Variants in ATG4B observed in about 807,000 individuals in gnomAD.
ATG4B encodes the protein cysteine protease ATG4B.
In ATG4B, 29 loss-of-function variants were observed where a neutral mutation model predicts 56.6. The ratio of observed to expected loss-of-function variants is 0.51; its 90% CI spans 0.38 to 0.70. The LOEUF (loss-of-function observed/expected upper bound fraction) is 0.70. Ranked by LOEUF, ATG4B falls within the 30% of genes least tolerant of loss-of-function variation. The pLI is 0.00. For missense variants in ATG4B, 461 were observed against 515.5 expected, an observed-to-expected ratio of 0.89 and a Z score of 1.02; for synonymous variants, 224 against 206.1, an observed-to-expected ratio of 1.09 and a Z score of -0.74.
In ATG4B at chr2:241,667,859, C is replaced by A. The variant is rs1021064631; in HGVS notation, c.733-284C>A. ...GCACTCAGCAGGGCCACCTCCCGCACCCCTGCTCACATCTCCTGCCAGGCC... is the reference window on the plus strand; with the variant it reads ...GCACTCAGCAGGGCCACCTCCCGCAACCCTGCTCACATCTCCTGCCAGGCC... On this transcript the variant is annotated intron_variant, in intron 8 of 12. Coordinates refer to ENST00000404914, the MANE Select transcript of ATG4B (RefSeq NM_013325.5). 24 of 430,354 alleles carry A rather than the reference C, an allele frequency of 5.6e-5. No individual in the cohort carries two copies. The Admixed American group carries it at 9.0e-4, about 16-fold the overall frequency. The allele number at this position is 430,354 out of a possible 1,614,324, so 26.7% of individuals were successfully genotyped here. A position where few individuals can be genotyped will look rare whatever the true frequency, so the allele number is the denominator to read the frequency against.
chr2:241,649,092 TTAAG>T (rs1243978012), intron 1 of ATG4B, among the ~76,000 whole-genome samples: 1 of 152,160 alleles, frequency 6.6e-6, no homozygotes, highest in African/African-American at 2.4e-5. Flanking sequence ...CACTTAGAAG[TTAAG>T]TGAGTGGCCC....
In ATG4B at chr2:241,668,839, G is replaced by T; in HGVS notation, c.957+154G>T. ...GGGAATCTGAAGGGTATAAGAGCCG[G>T]AACTGTGTCCTTGCACCCTCACGTC... is the stretch of plus-strand genomic sequence containing the variant. On this transcript the variant is annotated intron_variant, in intron 10 of 12. Coordinates refer to ENST00000404914, the MANE Select transcript of ATG4B (RefSeq NM_013325.5). The surrounding 1 kb of genome is among the most constrained non-coding windows in gnomAD (Gnocchi z 4.2). The T allele has an allele frequency of 6.9e-6, 8 of 1,156,022 alleles. No homozygotes were observed. The Admixed American group carries it at 1.9e-4, about 27-fold the overall frequency. The allele number at this position is 1,156,022 out of a possible 1,614,324, so 71.6% of individuals were successfully genotyped here.
intron 1 of ATG4B, among the ~76,000 whole-genome samples, chr2:241,640,503 C>T (rs2067850681): frequency 6.6e-6 from 1 of 152,196 alleles, no homozygotes. Flanking sequence ...TACTGACTGT[C>T]AGATATGTGT....
At chr2:241,666,986 G>C in intron 8 of ATG4B, 148 bp downstream of exon 8, 2 of 899,636 alleles carry the variant, frequency 2.2e-6, no homozygotes, top group Non-Finnish European at 3.3e-6. Context: ...CGTTGCCCAA[G>C]GGGTGAGTGG....
At chr2:241,664,177 A>G (rs773905299) in intron 7 of ATG4B, among the ~76,000 whole-genome samples, 32 of 152,146 alleles carry the variant, frequency 2.1e-4, no homozygotes, top group Non-Finnish European at 3.5e-4. Context: ...GAACTAACAC[A>G]TACTAGAACT....
At chr2:241,667,014 C>T (rs1197110905) in intron 8 of ATG4B, among the ~76,000 whole-genome samples, 176 bp downstream of exon 8, 4 of 152,218 alleles carry the variant, frequency 2.6e-5, no homozygotes, top group Non-Finnish European at 4.4e-5. Context: ...GCACGTCCAT[C>T]AGTAGGCACG....
rs752705639 is a variant in ATG4B, at chr2:241,654,598, C to G, written c.336C>G (p.Leu112=). The G allele has an allele frequency of 6.2e-7, 1 of 1,603,808 alleles. No individual in the cohort carries two copies. Among genetic ancestry groups the G allele is most frequent in the South Asian group, 1.1e-5 (1 of 88,808 alleles). The change falls in exon 5 of 13, where the codon CTC becomes CTG. Residue 112 remains leucine, a synonymous_variant. Coordinates refer to ENST00000404914, the MANE Select transcript of ATG4B (RefSeq NM_013325.5). ...KRQPDSYFSV[L]NAFIDRKDSY... is the part of the protein sequence containing the mutation. ...AGCCAGACAGCTACTTCAGCGTCCT[C>G]AACGCATTCATCGACAGGAAGGACA...
chr2:241,671,569 C>T, intron 12 of ATG4B, 164 bp downstream of exon 12: 2 of 1,527,068 alleles, frequency 1.3e-6, no homozygotes. Context: ...GTGGAGCGTC[C>T]CCTCCTCCAA....
chr2:241,644,863 C>T (rs910877158), intron 1 of ATG4B, among the ~76,000 whole-genome samples: 2 of 151,610 alleles, frequency 1.3e-5, no homozygotes, highest in South Asian at 2.1e-4. Flanking sequence ...GCAGGAGAAT[C>T]GCTTGAAACC....
intron 1 of ATG4B, among the ~76,000 whole-genome samples, chr2:241,642,952 A>G (rs2067946521): frequency 7.6e-6 from 1 of 132,006 alleles, no homozygotes; most frequent in South Asian, 2.4e-4. Flanking sequence ...GCTCTATCTC[A>G]GCTCACTGCA....
rs1259137919 is a variant in ATG4B at position 241,671,312 on chromosome 2, C to G, written c.1015C>G (p.Leu339Val). 2 of 1,612,320 alleles carry G rather than the reference C, an allele frequency of 1.2e-6. No individual in the cohort carries two copies. The highest frequency in any genetic ancestry group is 2.7e-5 in the African/African-American group (2 of 75,006). The part of the protein sequence containing the change: ...FNDWCQQVKK[L>V]SLLGGALPMF... Reference sequence around the variant, plus strand: ...CCTAACGGCCATGTCTCACTAACAGCTGTCTCTGCTTGGAGGTGCCCTGCC... The same window carrying G: ...CCTAACGGCCATGTCTCACTAACAGGTGTCTCTGCTTGGAGGTGCCCTGCC... Residue 339 changes from leucine to valine, a missense_variant and splice_region_variant, in exon 12 of 13, where the codon CTG (leucine) becomes GTG (valine). Transcript: ENST00000404914.
In ATG4B at chr2:241,671,400, C is replaced by A. The variant is rs1429362698; in HGVS notation, c.1103C>A (p.Ser368Tyr). The A allele has an allele frequency of 6.2e-7, 1 of 1,613,600 alleles. No homozygotes were observed. Among genetic ancestry groups the A allele is most frequent in the South Asian group, 1.1e-5 (1 of 90,944 alleles). The change falls in exon 12 of 13, where the codon TCC becomes TAC. Residue 368 changes from serine to tyrosine, a missense_variant. By Grantham distance (144) the Ser-to-Tyr change is moderately radical. Transcript: ENST00000404914. ...HLACPDVLNLSLDSSDVERLE... is the reference protein window; with the variant it reads ...HLACPDVLNLYLDSSDVERLE... ...GCCTGCCCCGACGTCCTGAACCTGT[C>A]CCTAGGTGAGAGCTGCCAAGTCCAG... is the stretch of plus-strand genomic sequence containing the variant.
chr2:241,657,210 C>T (rs1056363303), intron 6 of ATG4B, among the ~76,000 whole-genome samples: 5 of 137,726 alleles, frequency 3.6e-5, no homozygotes, highest in Admixed American at 2.2e-4. Context: ...CTCCTGACCT[C>T]GTGATCCACC....
intron 1 of ATG4B, among the ~76,000 whole-genome samples, chr2:241,649,754 CTTTCTTTTT>C: frequency 6.7e-6 from 1 of 149,326 alleles, no homozygotes; most frequent in East Asian, 2.0e-4. Flanking sequence ...TAGTTTCTTT[CTTTCTTTTT>C]TTTCTTTTTC....
chr2:241,650,953 GATAC>G, intron 1 of ATG4B, 53 bp from the exon 2 acceptor site: 1 of 1,430,278 alleles, frequency 7.0e-7, no homozygotes, highest in Non-Finnish European at 9.7e-7. Flanking sequence ...GGCCTCTTTC[GATAC>G]TAGTTTATGA....
intron 1 of ATG4B, among the ~76,000 whole-genome samples, chr2:241,644,634 C>G (rs2068007464): frequency 1.3e-5 from 2 of 152,154 alleles, no homozygotes; most frequent in Non-Finnish European, 2.9e-5. Flanking sequence ...CTGTCAGACT[C>G]CAGAACCAAA....
At chr2:241,671,080 G>A (rs919805059) in intron 11 of ATG4B, among the ~76,000 whole-genome samples, 1 of 152,228 alleles carries the variant, frequency 6.6e-6, no homozygotes, top group East Asian at 1.9e-4. Flanking sequence ...GCTGAGCTAC[G>A]CCGGCCGAGT....
At chr2:241,671,723 G>C in intron 12 of ATG4B, 2 of 1,319,904 alleles carry the variant, frequency 1.5e-6, no homozygotes, top group Non-Finnish European at 2.0e-6. Context: ...ACGCAGTCCT[G>C]GGTGGGGGAC....
chr2:241,642,871 C>CTTTTTTTTTTTTTTTTTT lies in ATG4B; in HGVS notation c.10+5147_10+5148insTTTTTTTTTTTTTTTTTT, dbSNP rs1321613822. 2.6e-4 allele frequency among the ~76,000 whole-genome samples: 26 copies of CTTTTTTTTTTTTTTTTTT among 98,428 alleles called. 11 individuals carry two copies. The East Asian group carries it at 4.5e-3, about 17-fold the overall frequency. The allele number at this position is 98,428 out of a possible 152,430, so 64.6% of individuals were successfully genotyped here. A position where few individuals can be genotyped will look rare whatever the true frequency, so the allele number is the denominator to read the frequency against. On this transcript the variant is annotated intron_variant, in intron 1 of 12. Transcript: ENST00000404914. ...CTTAAGGTGTACAGCACCTCTCCGT[C>CTTTTTTTTTTTTTTTTTT]CTTTTTTTTTTTTTTTTTTTTTTTT...
Sources: gnomAD v4.1 joint callset for allele counts (sites outside exome capture counted in the v4.1 genomes callset) on GRCh38, gnomAD v4.1.1 for gene constraint, Gnocchi (gnomAD v3.1) non-coding constraint, MANE v1.5 for transcripts, NCBI Gene and HGNC (gene_info 2026-07-23, HGNC 2026-07-21) for gene names.